The following CHD9 variants were observed in gnomAD, a reference collection of about 807,000 sequenced individuals.
CHD9 encodes the protein chromodomain helicase DNA binding protein 9.
Under a neutral mutation model 316.1 loss-of-function variants are expected in CHD9, and 77 were observed. The ratio of observed to expected loss-of-function variants is 0.24; its 90% CI spans 0.20 to 0.29. CHD9 has a LOEUF of 0.29. Ranked by LOEUF, CHD9 falls within the 10% of genes least tolerant of loss-of-function variation. The probability of loss-of-function intolerance (pLI) is 1.00; values close to 1 mark genes in which losing one functional copy is unlikely to be tolerated. For missense variants in CHD9, 2,763 were observed against 3,438.1 expected (o/e 0.80, Z 4.91); for synonymous variants, 1,129 against 1,158.3 (o/e 0.97, Z 0.51).
intron 1 of CHD9, among the ~76,000 whole-genome samples, chr16:53,069,435 C>G (rs549919793): frequency 1.3e-5 from 2 of 152,232 alleles, no homozygotes; most frequent in African/African-American, 2.4e-5. Flanking sequence ...CCCCTTCCCC[C>G]TTAACCCCAT....
chr16:53,156,093 A>T lies in CHD9; in HGVS notation c.4A>T (p.Thr2Ser). The T allele has an allele frequency of 6.2e-7, 1 of 1,610,776 alleles. No homozygotes were observed. The highest frequency in any genetic ancestry group is 8.5e-7 in the Non-Finnish European group (1 of 1,178,124). The change falls in exon 2 of 39, where the codon ACA becomes TCA. Residue 2 changes from threonine (T) to serine (S), a missense_variant. Physicochemically the swap from Thr to Ser is moderately conservative, Grantham distance 58. Coordinates refer to ENST00000447540, the MANE Select transcript of CHD9 (RefSeq NM_001308319.2). ...GGATTGTTACAGAATTTTCAAGATG[A>T]CAGATCCAATGATGGACTTTTTTGA... MTDPMMDFFDDA... is the reference protein window; with the variant it reads MSDPMMDFFDDA...
chr16:53,116,778 G>C (rs2038341412), intron 1 of CHD9, among the ~76,000 whole-genome samples: 1 of 152,016 alleles, frequency 6.6e-6, no homozygotes, highest in African/African-American at 2.4e-5. Context: ...TGCACAGGTA[G>C]GTTCATTACA....
intron 1 of CHD9, among the ~76,000 whole-genome samples, chr16:53,082,070 C>G (rs550600447): frequency 6.6e-6 from 1 of 152,308 alleles, no homozygotes; most frequent in Admixed American, 6.5e-5. Context: ...TTAAAAGTCA[C>G]TTTGTCTCAG....
At chr16:53,323,021 G>A (rs2057374875) in intron 38 of CHD9, among the ~76,000 whole-genome samples, 1 of 152,128 alleles carries the variant, frequency 6.6e-6, no homozygotes, top group Admixed American at 6.5e-5. Flanking sequence ...AGTCGAATGA[G>A]TCTTGTCTTA....
chr16:53,138,354 T>C (rs2039870867), intron 1 of CHD9, among the ~76,000 whole-genome samples: 2 of 152,328 alleles, frequency 1.3e-5, no homozygotes, highest in South Asian at 4.1e-4. Context: ...TTGGAGGATA[T>C]AGTAGTGAAG....
At chr16:53,306,836 G>A (rs1673936903) in intron 32 of CHD9, among the ~76,000 whole-genome samples, 1 of 151,988 alleles carries the variant, frequency 6.6e-6, no homozygotes, top group African/African-American at 2.4e-5. Context: ...CTGGCTTACA[G>A]TGGCACAATC....
At chr16:53,162,806 G>A (rs1237775128) in intron 2 of CHD9, among the ~76,000 whole-genome samples, 1 of 150,002 alleles carries the variant, frequency 6.7e-6, no homozygotes. Flanking sequence ...TTTTGGTGGG[G>A]GACAGGGTCT....
chr16:53,320,843 A>G (rs993703601), intron 37 of CHD9, among the ~76,000 whole-genome samples: 4 of 152,140 alleles, frequency 2.6e-5, no homozygotes, highest in African/African-American at 9.7e-5. Context: ...TAGGGTGTCA[A>G]TATATATAAT....
At chr16:53,316,331 A>G (rs911804052) in intron 36 of CHD9, among the ~76,000 whole-genome samples, 1 of 152,208 alleles carries the variant, frequency 6.6e-6, no homozygotes, top group African/African-American at 2.4e-5. Context: ...ATTACTATGT[A>G]CTACTTATTA....
At chr16:53,288,127 C>T in intron 27 of CHD9, 113 bp downstream of exon 27, 2 of 760,516 alleles carry the variant, frequency 2.6e-6, no homozygotes, top group Admixed American at 4.3e-5. Flanking sequence ...TTCTTCTGTT[C>T]CTCAGATTAG....
intron 27 of CHD9, among the ~76,000 whole-genome samples, 196 bp downstream of exon 27, chr16:53,288,210 A>G (rs994562609): frequency 6.6e-6 from 1 of 152,196 alleles, no homozygotes; most frequent in Non-Finnish European, 1.5e-5. Context: ...CTCCCCTTTT[A>G]GACAAGATGG....
At chr16:53,261,652 A>T (rs1416813121) in intron 19 of CHD9, among the ~76,000 whole-genome samples, 1 of 152,084 alleles carries the variant, frequency 6.6e-6, no homozygotes, top group Non-Finnish European at 1.5e-5. Flanking sequence ...TTTGGGATTT[A>T]CAGACGTGAG....
At chr16:53,285,224 T>C (rs1198362231) in intron 24 of CHD9, among the ~76,000 whole-genome samples, 1 of 152,204 alleles carries the variant, frequency 6.6e-6, no homozygotes, top group Admixed American at 6.5e-5. Context: ...TTTTCTCATG[T>C]GCGAAATGAA....
At position 53,292,947 on chromosome 16, in the gene CHD9, A is replaced by G; in HGVS notation, c.5405A>G (p.Gln1802Arg). ...YQRTNKNRQI[Q>R]QIQPTFSVPT... ...CGTACTAATAAAAACAGACAAATTC[A>G]GCAGATACAACCGACTTTCTCGGTG... is the stretch of plus-strand genomic sequence containing the variant. The change falls in exon 29 of 39, where the codon CAG (glutamine) becomes CGG (arginine). Residue 1802 changes from glutamine (Q) to arginine (R), a missense_variant. Coordinates refer to ENST00000447540, the MANE Select transcript of CHD9 (RefSeq NM_001308319.2). 6.2e-7 allele frequency: 1 copy of G among 1,613,824 alleles called. No homozygotes were observed. The highest frequency in any genetic ancestry group is 8.5e-7 in the Non-Finnish European group (1 of 1,179,828).
At chr16:53,100,823 T>C (rs151281366) in intron 1 of CHD9, among the ~76,000 whole-genome samples, 1 of 152,326 alleles carries the variant, frequency 6.6e-6, no homozygotes, top group African/African-American at 2.4e-5. Context: ...CAAGTCACTA[T>C]AGGCCTCTGT....
chr16:53,124,486 T>TG (rs1249950445), intron 1 of CHD9, among the ~76,000 whole-genome samples: 4 of 144,642 alleles, frequency 2.8e-5, no homozygotes, highest in Non-Finnish European at 4.5e-5. Flanking sequence ...TTTTTTTTTT[T>TG]TTTTTTTTGG....
chr16:53,314,396 C>G lies in CHD9; in HGVS notation c.7242C>G (p.Thr2414=), dbSNP rs762756136. Residue 2414 remains threonine, a synonymous_variant, in exon 35 of 39, where the codon ACC becomes ACG. Coordinates refer to ENST00000447540, the MANE Select transcript of CHD9 (RefSeq NM_001308319.2). ...AATTAGGTACTTCCATTCAACCAAC[C>G]CTTGGTGCCAATGGTGTGATATTAG... The part of the protein sequence containing the change: ...IPVSGTSIQP[T]LGANGVILDN... 11 of 1,577,314 alleles carry G rather than the reference C, an allele frequency of 7.0e-6. No homozygotes were observed. Among genetic ancestry groups the G allele is most frequent in the African/African-American group, 1.4e-5 (1 of 73,900 alleles).
intron 3 of CHD9, among the ~76,000 whole-genome samples, chr16:53,211,356 G>A (rs1011412833): frequency 8.6e-5 from 13 of 152,026 alleles, no homozygotes; most frequent in African/African-American, 3.1e-4. Flanking sequence ...TATAGTAAGG[G>A]GAGTAGTAAC....
intron 17 of CHD9, among the ~76,000 whole-genome samples, chr16:53,252,966 C>T (rs1254616781): frequency 6.6e-6 from 1 of 152,132 alleles, no homozygotes; most frequent in African/African-American, 2.4e-5. Flanking sequence ...TAAACTAGTA[C>T]AGCCACTATG....
Sources: gnomAD v4.1 joint callset for allele counts (sites outside exome capture counted in the v4.1 genomes callset) on GRCh38, gnomAD v4.1.1 for gene constraint, MANE v1.5 for transcripts, NCBI Gene and HGNC (gene_info 2026-07-23, HGNC 2026-07-21) for gene names.